Variants in RIPOR2 observed in about 807,000 individuals in gnomAD.
RIPOR2 encodes RHO family interacting cell polarization regulator 2.
A neutral mutation model predicts 114.5 loss-of-function variants in RIPOR2; 39 were observed. The observed-to-expected ratio is 0.34, with a 90% CI of 0.26 to 0.44. RIPOR2 has a LOEUF of 0.44. Among genes scored for constraint, RIPOR2 ranks in the 20% least tolerant of loss-of-function variants. The pLI is 1.00. For missense variants in RIPOR2, 1,007 were observed against 1,255.1 expected (o/e 0.80, Z 2.99); for synonymous variants, 445 against 484.4 (o/e 0.92, Z 1.07).
chr6:24,988,799 A>G lies in RIPOR2; in HGVS notation c.76+53052T>C, dbSNP rs149191620. ...GGTTGGTTAGCCTGCTTCTTCCTTT[A>G]GTAAATAAAGTTTTATTGCCCATTC... On this transcript the variant is annotated intron_variant, in intron 1 of 13. Transcript: ENST00000510784. Among the ~76,000 whole-genome samples the G allele has an allele frequency of 2.2e-4, 34 of 152,272 alleles. No individual in the cohort carries two copies. In the East Asian group the frequency reaches 6.0e-3, roughly 27 times the overall value.
chr6:24,884,218 C>G (rs1054765836), intron 1 of RIPOR2, among the ~76,000 whole-genome samples: 3 of 151,672 alleles, frequency 2.0e-5, no homozygotes, highest in Non-Finnish European at 4.4e-5. Context: ...ACCATCCTGG[C>G]TAACATGGTG....
intron 1 of RIPOR2, among the ~76,000 whole-genome samples, chr6:25,033,774 C>T (rs1036567923): frequency 3.3e-5 from 5 of 152,220 alleles, no homozygotes; most frequent in African/African-American, 1.2e-4. Flanking sequence ...TTCTACAATA[C>T]ACAATATAGT....
In RIPOR2 at chr6:24,908,774, A is replaced by G. The variant is rs141532412; in HGVS notation, c.61+27064T>C. ...CAGCCTCCTTGGCTTCTCCAGGTCA[A>G]CCTTGGGTGGGTCCCTTCTCTGCTG... On this transcript the variant is annotated intron_variant, in intron 1 of 21. Transcript: ENST00000643898. 3.0e-4 allele frequency among the ~76,000 whole-genome samples: 46 copies of G among 152,300 alleles called. 1 individual carries two copies. Among genetic ancestry groups the G allele is most frequent in the Admixed American group, 2.5e-3 (39 of 15,302 alleles).
At chr6:24,976,358 T>C (rs77477693) in intron 1 of RIPOR2, 31,279 of 1,056,592 alleles carry the variant, frequency 0.03, 616 homozygotes, top group African/African-American at 0.055. Flanking sequence ...AAATATGATA[T>C]TAAGAAACGA....
intron 1 of RIPOR2, among the ~76,000 whole-genome samples, chr6:24,914,372 A>G (rs1769909588): frequency 6.6e-6 from 1 of 152,148 alleles, no homozygotes; most frequent in Non-Finnish European, 1.5e-5. Context: ...AAAAGACCCC[A>G]AGTAGTAATA....
chr6:24,804,904 G>T lies in RIPOR2; in HGVS notation c.*1469C>A, dbSNP rs1780682916. 1 of 152,120 alleles carries T rather than the reference G, an allele frequency of 6.6e-6. No homozygotes were observed. Among genetic ancestry groups the T allele is most frequent in the Admixed American group, 6.6e-5 (1 of 15,248 alleles). 9.4% of individuals were successfully genotyped at this position (152,120 alleles called of 1,614,324 possible). On this transcript the variant is annotated 3_prime_UTR_variant, in exon 22 of 22. Coordinates refer to ENST00000643898, the MANE Select transcript of RIPOR2 (RefSeq NM_001286445.3). ...GAGCTACTGAATGGTCTTGTACTTT[G>T]CTTAATGAACTTGCATCTCTGATAC...
intron 15 of RIPOR2, among the ~76,000 whole-genome samples, chr6:24,834,096 A>C (rs927521595): frequency 1.3e-5 from 2 of 152,136 alleles, no homozygotes; most frequent in Non-Finnish European, 2.9e-5. Flanking sequence ...AAAAAAAAAA[A>C]ACTGCACATT....
At chr6:24,960,331 G>A (rs753382431) in intron 1 of RIPOR2, among the ~76,000 whole-genome samples, 4 of 152,146 alleles carry the variant, frequency 2.6e-5, no homozygotes, top group African/African-American at 4.8e-5. Flanking sequence ...CCAAGATGGC[G>A]CCTTCAATGC....
At chr6:24,809,371 A>G (rs4509111) in intron 21 of RIPOR2, among the ~76,000 whole-genome samples, 113,377 of 152,072 alleles carry the variant, frequency 0.75, 44,425 homozygotes, top group East Asian at 0.88. Flanking sequence ...CCTCCAGGGA[A>G]TGTCAACCCC....
At chr6:24,807,708 T>C (rs1237647115) in intron 21 of RIPOR2, among the ~76,000 whole-genome samples, 1 of 152,120 alleles carries the variant, frequency 6.6e-6, no homozygotes, top group African/African-American at 2.4e-5. Context: ...AGTGCGCATA[T>C]AGAACAATCC....
In RIPOR2 at chr6:24,849,822, C is replaced by T. The variant is rs751021704; in HGVS notation, c.1014G>A (p.Leu338=). The change falls in exon 11 of 22, where the codon CTG becomes CTA. Residue 338 remains leucine, a synonymous_variant. Coordinates refer to ENST00000643898, the MANE Select transcript of RIPOR2 (RefSeq NM_001286445.3). ...VDINDLGTIK[L]NLEITWYPFD... ...CTTACTACCAGGTGATTTCCAGGTT[C>T]AGTTTGATGGTACCAAGGTCATTGA... is the stretch of plus-strand genomic sequence containing the variant. 43 of 1,613,516 alleles carry T rather than the reference C, an allele frequency of 2.7e-5. 1 individual carries two copies. In the South Asian group the frequency reaches 4.7e-4, roughly 18 times the overall value.
intron 1 of RIPOR2, chr6:24,976,619 G>C: frequency 3.1e-6 from 5 of 1,609,518 alleles, no homozygotes; most frequent in Non-Finnish European, 4.3e-6. Flanking sequence ...GGAGAGAAAG[G>C]ATTTGGTTAT....
intron 1 of RIPOR2, among the ~76,000 whole-genome samples, chr6:24,979,298 T>C (rs866023469): frequency 1.3e-5 from 2 of 150,704 alleles, no homozygotes; most frequent in Middle Eastern, 3.2e-3. Context: ...TTTTTTTTTT[T>C]TTTTTTTGCT....
At chr6:24,884,387 C>T (rs71555166) in intron 1 of RIPOR2, among the ~76,000 whole-genome samples, 17,832 of 151,802 alleles carry the variant, frequency 0.12, 1,176 homozygotes, top group South Asian at 0.16. Context: ...CCAGCCTGGG[C>T]GACAGAGCGA....
At chr6:25,006,742 A>G (rs1388270969) in intron 1 of RIPOR2, among the ~76,000 whole-genome samples, 1 of 152,252 alleles carries the variant, frequency 6.6e-6, no homozygotes, top group African/African-American at 2.4e-5. Flanking sequence ...CCCCACAGGA[A>G]GAGGAAGCAT....
intron 20 of RIPOR2, among the ~76,000 whole-genome samples, chr6:24,811,407 T>G (rs1400919607): frequency 1.7e-5 from 2 of 118,704 alleles, no homozygotes; most frequent in Non-Finnish European, 4.1e-5. Flanking sequence ...CTAATTTTTT[T>G]TGTATTTTTA....
At chr6:24,976,842 A>G (rs1372523868) in intron 1 of RIPOR2, 5 of 1,610,334 alleles carry the variant, frequency 3.1e-6, no homozygotes, top group Non-Finnish European at 4.2e-6. Context: ...GCCAAGACTG[A>G]GTGGTTGGAT....
At chr6:24,854,420 C>T (rs563272511) in intron 8 of RIPOR2, among the ~76,000 whole-genome samples, 6 of 152,290 alleles carry the variant, frequency 3.9e-5, no homozygotes, top group African/African-American at 1.4e-4. Context: ...TCTTGGATGT[C>T]TACTGTGTCA....
At position 24,843,396 on chromosome 6, in the gene RIPOR2, G is replaced by T. The variant is rs547393684; in HGVS notation, c.1323C>A (p.Thr441=). Residue 441 remains threonine, a synonymous_variant, in exon 13 of 22, where the codon ACC becomes ACA. Coordinates refer to ENST00000643898, the MANE Select transcript of RIPOR2 (RefSeq NM_001286445.3). The stretch of plus-strand genomic sequence containing the variant: ...AGCTGCTGAGGTTAAACTCCGCAGG[G>T]GTGATGGTAATTTCTGGATTTGTTG... The part of the protein sequence containing the change: ...SNSTNPEITI[T]PAEFNLSSLA... 1 of 1,613,894 alleles carries T rather than the reference G, an allele frequency of 6.2e-7. No homozygotes were observed. The highest frequency in any genetic ancestry group is 1.7e-5 in the Admixed American group (1 of 59,998).
Sources: gnomAD v4.1 joint callset for allele counts (sites outside exome capture counted in the v4.1 genomes callset) on GRCh38, gnomAD v4.1.1 for gene constraint, MANE v1.5 for transcripts, NCBI Gene and HGNC (gene_info 2026-07-23, HGNC 2026-07-21) for gene names.